SLC9C1: variants seen among roughly 807,000 people sequenced by gnomAD.
SLC9C1 encodes the protein sodium/hydrogen exchanger 10.
A neutral mutation model predicts 140.9 loss-of-function variants in SLC9C1; 97 were observed. The observed-to-expected ratio is 0.69, with a 90% confidence interval of 0.58 to 0.82. The LOEUF is 0.82. Among genes scored for constraint, SLC9C1 ranks in the 40% least tolerant of loss-of-function variants. The probability of loss-of-function intolerance (pLI) is 0.00; values close to 1 mark genes in which losing one functional copy is unlikely to be tolerated. For missense variants in SLC9C1, 1,340 were observed against 1,389.3 expected (o/e 0.96, Z 0.56); for synonymous variants, 440 against 442.6 (o/e 0.99, Z 0.07).
intron 26 of SLC9C1, among the ~76,000 whole-genome samples, chr3:112,161,623 G>A (rs1294039018): frequency 2.6e-5 from 4 of 151,892 alleles, no homozygotes; most frequent in African/African-American, 9.7e-5. Context: ...CTGTTCCATT[G>A]ATCTATATCT....
intron 23 of SLC9C1, among the ~76,000 whole-genome samples, chr3:112,174,261 A>C (rs1307401483): frequency 6.6e-6 from 1 of 152,128 alleles, no homozygotes; most frequent in Non-Finnish European, 1.5e-5. Context: ...CTCCACCTCC[A>C]TGAAATGTGG....
At position 112,231,350 on chromosome 3, in the gene SLC9C1, T is replaced by C; in HGVS notation, c.1572+11A>G. On this transcript the variant is annotated intron_variant, in intron 13 of 28. Coordinates refer to ENST00000305815, the MANE Select transcript of SLC9C1 (RefSeq NM_183061.3). ...GGCCAAACATAATTTCAAAAGAGAA[T>C]AATACAGTACTATTTGTGCTGACAA... The C allele has an allele frequency of 1.9e-6, 3 of 1,611,804 alleles. No individual in the cohort carries two copies. Among genetic ancestry groups the C allele is most frequent in the Non-Finnish European group, 2.5e-6 (3 of 1,179,140 alleles).
intron 10 of SLC9C1, among the ~76,000 whole-genome samples, chr3:112,246,970 C>A (rs1225784243): frequency 6.6e-6 from 1 of 152,170 alleles, no homozygotes; most frequent in Non-Finnish European, 1.5e-5. Flanking sequence ...GTTTCTTCCC[C>A]ATTTTCCTCC....
chr3:112,186,562 A>G (rs1042387551), intron 20 of SLC9C1, among the ~76,000 whole-genome samples: 3 of 152,268 alleles, frequency 2.0e-5, no homozygotes, highest in Admixed American at 1.3e-4. Flanking sequence ...TGGAATCTCA[A>G]TGGAAATTTC....
At chr3:112,226,844 C>A (rs1428283358) in intron 13 of SLC9C1, among the ~76,000 whole-genome samples, 1 of 151,628 alleles carries the variant, frequency 6.6e-6, no homozygotes, top group Non-Finnish European at 1.5e-5. Flanking sequence ...AAAATCAGAA[C>A]TAAAATAAGT....
rs375438613 is a variant in SLC9C1 at position 112,203,514 on chromosome 3, C to A, written c.2172+704G>T. 7.9e-5 allele frequency among the ~76,000 whole-genome samples: 12 copies of A among 151,826 alleles called. No individual in the cohort carries two copies. The East Asian group carries it at 1.2e-3, about 15-fold the overall frequency. On this transcript the variant is annotated intron_variant, in intron 17 of 28. Transcript: ENST00000305815. ...TATTCCTTGCATGTGTAAGAAAGAT[C>A]TAAATGTAAAGATTCTATTAGTTTT...
In SLC9C1 at chr3:112,278,700, G is replaced by A. The variant is rs546101183; in HGVS notation, c.318+29C>T. 3.4e-4 allele frequency: 538 copies of A among 1,573,690 alleles called. 1 individual carries two copies. The highest frequency in any genetic ancestry group is 1.3e-4 in the Non-Finnish European group (156 of 1,167,982). On this transcript the variant is annotated intron_variant, in intron 4 of 28. Coordinates refer to ENST00000305815, the MANE Select transcript of SLC9C1 (RefSeq NM_183061.3). ...CATAGATAATATGTGGTTCATGAAT[G>A]AATGATATTACCAAAAAAGAATGCT...
At chr3:112,282,509 C>T (rs888674145) in intron 2 of SLC9C1, among the ~76,000 whole-genome samples, 1 of 152,236 alleles carries the variant, frequency 6.6e-6, no homozygotes, top group Non-Finnish European at 1.5e-5. Context: ...AGCAATGCTC[C>T]TGTTCGTCCC....
At chr3:112,242,589 A>G (rs1052577058) in intron 11 of SLC9C1, among the ~76,000 whole-genome samples, 1 of 152,150 alleles carries the variant, frequency 6.6e-6, no homozygotes, top group African/African-American at 2.4e-5. Context: ...AAAAATAGAA[A>G]GAATGAAAAA....
intron 10 of SLC9C1, among the ~76,000 whole-genome samples, chr3:112,252,653 G>A (rs1452288464): frequency 6.6e-6 from 1 of 152,092 alleles, no homozygotes; most frequent in East Asian, 1.9e-4. Flanking sequence ...GAACTCTCTG[G>A]GACAGAGCTC....
chr3:112,180,656 C>T lies in SLC9C1; in HGVS notation c.2656G>A (p.Ala886Thr), dbSNP rs1431820387. 6.2e-7 allele frequency: 1 copy of T among 1,611,844 alleles called. No individual in the cohort carries two copies. Among genetic ancestry groups the T allele is most frequent in the South Asian group, 1.1e-5 (1 of 90,642 alleles). ...KDYINFIQEK[A>T]KVVTFDCGND... is the part of the protein sequence containing the mutation. ...CCACAATCAAATGTTACAACTTTGG[C>T]TTTTTCCTAAAAGATACCACCAAAT... Residue 886 changes from alanine (A) to threonine (T), a missense_variant, in exon 22 of 29, where the codon GCC (alanine) becomes ACC (threonine). By Grantham distance (58) the Ala-to-Thr change is moderately conservative (BLOSUM62 0). Coordinates refer to ENST00000305815, the MANE Select transcript of SLC9C1 (RefSeq NM_183061.3).
intron 28 of SLC9C1, among the ~76,000 whole-genome samples, chr3:112,149,148 T>G (rs2074886866): frequency 6.6e-6 from 1 of 151,970 alleles, no homozygotes; most frequent in African/African-American, 2.4e-5. Context: ...TGTACCAAAA[T>G]CTCTGCACAG....
chr3:112,290,816 T>C (rs2108377354), intron 1 of SLC9C1, among the ~76,000 whole-genome samples: 1 of 110,534 alleles, frequency 9.0e-6, no homozygotes, highest in South Asian at 2.6e-4. Context: ...TTTTCCTTCT[T>C]TTTTTTTTTT....
At chr3:112,187,952 T>C (rs2077571254) in intron 20 of SLC9C1, among the ~76,000 whole-genome samples, 1 of 151,978 alleles carries the variant, frequency 6.6e-6, no homozygotes, top group African/African-American at 2.4e-5. Context: ...TATCAGTATA[T>C]ATAGATATTT....
intron 2 of SLC9C1, among the ~76,000 whole-genome samples, chr3:112,284,217 T>C (rs899113236): frequency 6.6e-6 from 1 of 152,204 alleles, no homozygotes; most frequent in African/African-American, 2.4e-5. Context: ...AAAGGTAAAG[T>C]TGCTTCAACA....
chr3:112,218,596 A>C (rs2078453542), intron 14 of SLC9C1, among the ~76,000 whole-genome samples: 1 of 152,234 alleles, frequency 6.6e-6, no homozygotes, highest in South Asian at 2.1e-4. Context: ...TATTTATTCA[A>C]CATCTGCTAT....
intron 20 of SLC9C1, 85 bp downstream of exon 20, chr3:112,199,236 G>T: frequency 1.8e-6 from 2 of 1,105,168 alleles, no homozygotes; most frequent in Non-Finnish European, 2.5e-6. Context: ...GAAATGGCCT[G>T]TATTAGAAGT....
At chr3:112,178,389 A>T (rs1157445574) in intron 23 of SLC9C1, among the ~76,000 whole-genome samples, 2 of 151,972 alleles carry the variant, frequency 1.3e-5, no homozygotes, top group African/African-American at 4.8e-5. Context: ...CAGCCTCCCA[A>T]AGTTTTGGGA....
At chr3:112,203,510 A>G (rs1463519700) in intron 17 of SLC9C1, among the ~76,000 whole-genome samples, 3 of 151,914 alleles carry the variant, frequency 2.0e-5, no homozygotes, top group African/African-American at 7.2e-5. Flanking sequence ...TGTGTAAGAA[A>G]GATCTAAATG....
Sources: gnomAD v4.1 joint callset for allele counts (sites outside exome capture counted in the v4.1 genomes callset) on GRCh38, gnomAD v4.1.1 for gene constraint, MANE v1.5 for transcripts, NCBI Gene and HGNC (gene_info 2026-07-23, HGNC 2026-07-21) for gene names.